The following SLC35B2 variants were observed in gnomAD, a reference collection of about 807,000 sequenced individuals.
SLC35B2 encodes solute carrier family 35 member B2.
SLC35B2 carries 19 observed loss-of-function variants against 37.9 expected under a neutral mutation model. That is an observed-to-expected ratio of 0.50 (90% CI 0.35 to 0.74). The LOEUF (loss-of-function observed/expected upper bound fraction) is 0.74, where lower values mean the gene tolerates loss of function less well. SLC35B2 is among the 30% of genes least tolerant of loss of function. The probability of loss-of-function intolerance (pLI) is 0.01; values close to 1 mark genes in which losing one functional copy is unlikely to be tolerated. For missense variants in SLC35B2, 633 were observed against 547.6 expected, an observed-to-expected ratio of 1.16 and a Z score of -1.56; for synonymous variants, 277 against 225.2, an observed-to-expected ratio of 1.23 and a Z score of -2.06.
At chr6:44,257,327 C>A in intron 1 of SLC35B2, 73 bp downstream of exon 1, 1 of 1,316,180 alleles carries the variant, frequency 7.6e-7, no homozygotes, top group Non-Finnish European at 9.7e-7. Flanking sequence ...CCACCCGGCC[C>A]CCGTGCTGAG....
chr6:44,255,971 G>C (rs991734572), intron 3 of SLC35B2, among the ~76,000 whole-genome samples: 2 of 129,632 alleles, frequency 1.5e-5, no homozygotes, highest in Non-Finnish European at 3.4e-5. Flanking sequence ...CAGTACTGGG[G>C]GAAGGCTGAA....
Position 44,254,766 on chromosome 6 carries a change from G to C in SLC35B2, c.1239C>G (p.Gly413=). 6.2e-7 allele frequency: 1 copy of C among 1,614,102 alleles called. No individual in the cohort carries two copies. The highest frequency in any genetic ancestry group is 8.5e-7 in the Non-Finnish European group (1 of 1,180,020). ...CCTTCTTTCCCCGTTGCTTTAGACG[G>C]CCCCGCGCGTAGACTCTGAGCAGGA... ...AALLLRVYAR[G]RLKQRGKKAV... is the part of the protein sequence containing the mutation. The change falls in exon 4 of 4, where the codon GGC becomes GGG. Residue 413 remains glycine (G), a synonymous_variant. Transcript: ENST00000393812.
In SLC35B2 at chr6:44,256,615, C is replaced by T; in HGVS notation, c.205+70G>A. On this transcript the variant is annotated intron_variant, in intron 2 of 3. Transcript: ENST00000393812. ...ACCTCCCGCCCTCTCCAAGTCATAT[C>T]CCGTTTGGACTGCTGGCCAAATACC... 8 of 1,611,034 alleles carry T rather than the reference C, an allele frequency of 5.0e-6. No homozygotes were observed. In the South Asian group the frequency reaches 8.8e-5, roughly 18 times the overall value.
chr6:44,256,447 C>T lies in SLC35B2; in HGVS notation c.255G>A (p.Glu85=). ...GGGGAACCTCATCAGAGGCCTTGGG[C>T]TCATTGCCAAACACACAAGCTTTCA... is the stretch of plus-strand genomic sequence containing the variant. ...PLVKACVFGN[E]PKASDEVPLA... is the part of the protein sequence containing the mutation. The change falls in exon 3 of 4, where the codon GAG becomes GAA. Residue 85 remains glutamate, a synonymous_variant. Coordinates refer to ENST00000393812, the MANE Select transcript of SLC35B2 (RefSeq NM_178148.4). The T allele has an allele frequency of 6.2e-7, 1 of 1,614,218 alleles. No individual in the cohort carries two copies. The highest frequency in any genetic ancestry group is 8.5e-7 in the Non-Finnish European group (1 of 1,180,034).
At position 44,254,788 on chromosome 6, in the gene SLC35B2, A is replaced by G; in HGVS notation, c.1217T>C (p.Leu406Pro). The change falls in exon 4 of 4, where the codon CTG (leucine) becomes CCG (proline). Residue 406 changes from leucine to proline, a missense_variant. By Grantham distance (98) the Leu-to-Pro change is moderately conservative. Transcript: ENST00000393812. Reference sequence around the variant, plus strand: ...ACGGCCCCGCGCGTAGACTCTGAGCAGGAGGGCAGCAAAGACCACAGCCAC... The same window carrying G: ...ACGGCCCCGCGCGTAGACTCTGAGCGGGAGGGCAGCAAAGACCACAGCCAC... The part of the protein sequence containing the change: ...LGVAVVFAAL[L>P]LRVYARGRLK... 1 of 1,614,182 alleles carries G rather than the reference A, an allele frequency of 6.2e-7. No homozygotes were observed. Among genetic ancestry groups the G allele is most frequent in the Non-Finnish European group, 8.5e-7 (1 of 1,180,038 alleles).
intron 1 of SLC35B2, 145 bp from the exon 2 acceptor site, chr6:44,257,023 CT>C: frequency 1.1e-6 from 1 of 930,774 alleles, no homozygotes; most frequent in South Asian, 1.9e-5. Flanking sequence ...CTCTCTCTCT[CT>C]CTCTCTCTCG....
At chr6:44,255,700 CA>C (rs1781357169) in intron 3 of SLC35B2, 56 bp from the exon 4 acceptor site, 4 of 1,492,190 alleles carry the variant, frequency 2.7e-6, no homozygotes, top group East Asian at 4.6e-5. Context: ...AAAAGGTAGA[CA>C]AAAATTGACC....
In SLC35B2 at chr6:44,255,186, G is replaced by A; in HGVS notation, c.819C>T (p.Ile273=). ...CAAAAGCAATATAACCTGCCAGTAA[G>A]ATGAGGCCTGAGAGTGTGGTGGCTG... The part of the protein sequence containing the change: ...SSPATTLSGL[I]LLAGYIAFDS... The change falls in exon 4 of 4, where the codon ATC becomes ATT. Residue 273 remains isoleucine, a synonymous_variant. Transcript: ENST00000393812. 1.9e-6 allele frequency: 3 copies of A among 1,614,270 alleles called. No homozygotes were observed. Among genetic ancestry groups the A allele is most frequent in the Middle Eastern group, 1.6e-4 (1 of 6,062 alleles).
chr6:44,256,629 T>G, intron 2 of SLC35B2, 56 bp downstream of exon 2: 2 of 1,611,502 alleles, frequency 1.2e-6, no homozygotes, highest in Non-Finnish European at 1.7e-6. Flanking sequence ...TTTGGACTGC[T>G]GGCCAAATAC....
At position 44,254,508 on chromosome 6, in the gene SLC35B2, T is replaced by G. The variant is rs563243301; in HGVS notation, c.*198A>C. 7 of 617,762 alleles carry G rather than the reference T, an allele frequency of 1.1e-5. No individual in the cohort carries two copies. The South Asian group carries it at 1.5e-4, about 13-fold the overall frequency. 38.3% of individuals were successfully genotyped at this position (617,762 alleles called of 1,614,324 possible). A position where few individuals can be genotyped will look rare whatever the true frequency, so the allele number is the denominator to read the frequency against. On this transcript the variant is annotated 3_prime_UTR_variant, in exon 4 of 4. Coordinates refer to ENST00000393812, the MANE Select transcript of SLC35B2 (RefSeq NM_178148.4). ...TCTACCCCCGGGGCTCAGAATAAAC[T>G]GCTTACTGGAAGATGGGTGACTTAA...
rs550112875 is a variant in SLC35B2 at position 44,256,192 on chromosome 6, C to T, written c.360+150G>A. ...AACAAAAGGGCATTTCCCCCAAACA[C>T]CTCAAAGATGGAGGTGCAGTGTGCC... On this transcript the variant is annotated intron_variant, in intron 3 of 3. Transcript: ENST00000393812. 152 of 983,716 alleles carry T rather than the reference C, an allele frequency of 1.5e-4. No individual in the cohort carries two copies. In the Middle Eastern group the frequency reaches 1.7e-3, roughly 11 times the overall value. The allele number at this position is 983,716 out of a possible 1,614,324, so 60.9% of individuals were successfully genotyped here.
chr6:44,256,704 C>T lies in SLC35B2; in HGVS notation c.186G>A (p.Arg62=), dbSNP rs1781549915. Reference sequence around the variant, plus strand: ...ACACACCGGTCTCCAGGTAGTTCTTCCGCCTGAAGTACTGCACCAGGAGGT... The same window carrying T: ...ACACACCGGTCTCCAGGTAGTTCTTTCGCCTGAAGTACTGCACCAGGAGGT... The part of the protein sequence containing the change: ...PGYLLVQYFR[R]KNYLETGRGL... Residue 62 remains arginine, a synonymous_variant, in exon 2 of 4, where the codon CGG becomes CGA. Transcript: ENST00000393812. 1 of 1,614,134 alleles carries T rather than the reference C, an allele frequency of 6.2e-7. No individual in the cohort carries two copies.
rs35788918 is a variant in SLC35B2 at position 44,254,373 on chromosome 6, G to A, written c.*333C>T. On this transcript the variant is annotated 3_prime_UTR_variant, in exon 4 of 4. Coordinates refer to ENST00000393812, the MANE Select transcript of SLC35B2 (RefSeq NM_178148.4). ...TTGCAGAGGGGAGTGAGTCTGGAAG[G>A]TGGCAGAGCACAGCTAGGGCAAGAC... 9.9e-4 allele frequency: 279 copies of A among 282,816 alleles called. 2 individuals carry two copies. Among genetic ancestry groups the A allele is most frequent in the African/African-American group, 5.2e-3 (237 of 45,676 alleles). 17.5% of individuals were successfully genotyped at this position (282,816 alleles called of 1,614,324 possible). A position where few individuals can be genotyped will look rare whatever the true frequency, so the allele number is the denominator to read the frequency against.
rs1781241750 is a variant in SLC35B2 at position 44,255,022 on chromosome 6, G to A, written c.983C>T (p.Thr328Ile). Residue 328 changes from threonine (T) to isoleucine (I), a missense_variant, in exon 4 of 4, where the codon ACC (threonine) becomes ATC (isoleucine). Thr to Ile is a moderately conservative substitution (Grantham distance 89, BLOSUM62 -1). Transcript: ENST00000393812. Reference sequence around the variant, plus strand: ...CTCACTGTGTCGCCCCATGAAGCGGGTTCCCTCCAGTAGGGCCCCCTGTTC... The same window carrying A: ...CTCACTGTGTCGCCCCATGAAGCGGATTCCCTCCAGTAGGGCCCCCTGTTC... ...LLEQGALLEG[T>I]RFMGRHSEFA... is the part of the protein sequence containing the mutation. 6.2e-7 allele frequency: 1 copy of A among 1,614,206 alleles called. No homozygotes were observed. The highest frequency in any genetic ancestry group is 8.5e-7 in the Non-Finnish European group (1 of 1,180,032).
chr6:44,255,382 C>G lies in SLC35B2; in HGVS notation c.623G>C (p.Ser208Thr). ...CTTGGCCAGCACCTGGGTGGGGAAG[C>G]TGACGAACTTAAGAGCTTCGTATTG... Reference protein sequence around the residue: ...WCQYEALKFVSFPTQVLAKAS... With the variant: ...WCQYEALKFVTFPTQVLAKAS... Residue 208 changes from serine to threonine, a missense_variant, in exon 4 of 4, where the codon AGC becomes ACC. Coordinates refer to ENST00000393812, the MANE Select transcript of SLC35B2 (RefSeq NM_178148.4). 1 of 1,614,248 alleles carries G rather than the reference C, an allele frequency of 6.2e-7. No individual in the cohort carries two copies. The highest frequency in any genetic ancestry group is 1.1e-5 in the South Asian group (1 of 91,086).
rs756713164 is a variant in SLC35B2, at chr6:44,255,208, G to A, written c.797C>T (p.Ala266Val). Residue 266 changes from alanine (A) to valine (V), a missense_variant, in exon 4 of 4, where the codon GCC becomes GTC. Coordinates refer to ENST00000393812, the MANE Select transcript of SLC35B2 (RefSeq NM_178148.4). ...TAAGATGAGGCCTGAGAGTGTGGTG[G>A]CTGGGGAGCTGCGGGGCTCTGGTCC... Reference protein sequence around the residue: ...SSGPEPRSSPATTLSGLILLA... With the variant: ...SSGPEPRSSPVTTLSGLILLA... 5 of 1,614,256 alleles carry A rather than the reference G, an allele frequency of 3.1e-6. No individual in the cohort carries two copies. The South Asian group carries it at 3.3e-5, about 11-fold the overall frequency.
rs1781689823 is a variant in SLC35B2, at chr6:44,257,436, G to A, written c.-26C>T. ...GGTCCAGGCCGCGTGGGGTGGAGGG[G>A]GAACCGGGGAATGCGAGTCCCCGGG... On this transcript the variant is annotated 5_prime_UTR_variant, in exon 1 of 4. Coordinates refer to ENST00000393812, the MANE Select transcript of SLC35B2 (RefSeq NM_178148.4). The A allele has an allele frequency of 8.0e-7, 1 of 1,253,954 alleles. No homozygotes were observed. Among genetic ancestry groups the A allele is most frequent in the African/African-American group, 1.5e-5 (1 of 64,740 alleles). The allele number at this position is 1,253,954 out of a possible 1,614,324, so 77.7% of individuals were successfully genotyped here. A position where few individuals can be genotyped will look rare whatever the true frequency, so the allele number is the denominator to read the frequency against.
In SLC35B2 at chr6:44,256,682, C is replaced by T; in HGVS notation, c.205+3G>A. ...CTCACTTCCCCGCCCTTTCTTCACA[C>T]ACCGGTCTCCAGGTAGTTCTTCCGC... On this transcript the variant is annotated splice_donor_region_variant and intron_variant, in intron 2 of 3. Coordinates refer to ENST00000393812, the MANE Select transcript of SLC35B2 (RefSeq NM_178148.4). 1 of 1,614,048 alleles carries T rather than the reference C, an allele frequency of 6.2e-7. No individual in the cohort carries two copies. The highest frequency in any genetic ancestry group is 8.5e-7 in the Non-Finnish European group (1 of 1,179,974).
chr6:44,254,404 G>C lies in SLC35B2; in HGVS notation c.*302C>G, dbSNP rs1302204042. 3.2e-6 allele frequency: 1 copy of C among 311,572 alleles called. No individual in the cohort carries two copies. The highest frequency in any genetic ancestry group is 5.7e-6 in the Non-Finnish European group (1 of 176,520). The allele number at this position is 311,572 out of a possible 1,614,324, so 19.3% of individuals were successfully genotyped here. Reference sequence around the variant, plus strand: ...GAGCACAGCTAGGGCAAGACTTAAGGGAACTTGTGGGAAGAGTAACTGGAA... The same window carrying C: ...GAGCACAGCTAGGGCAAGACTTAAGCGAACTTGTGGGAAGAGTAACTGGAA... On this transcript the variant is annotated 3_prime_UTR_variant, in exon 4 of 4. Coordinates refer to ENST00000393812, the MANE Select transcript of SLC35B2 (RefSeq NM_178148.4).
Sources: allele counts gnomAD v4.1 joint callset (sites outside exome capture counted in the v4.1 genomes callset), GRCh38; gene constraint gnomAD v4.1.1; transcripts MANE v1.5; gene names NCBI Gene and HGNC (gene_info 2026-07-23, HGNC 2026-07-21).